Variants in PIGU observed in about 807,000 individuals in gnomAD.
PIGU encodes the protein phosphatidylinositol glycan anchor biosynthesis class U, also known as GPI-anchor transamidase component PIGU.
A neutral mutation model predicts 49.9 loss-of-function variants in PIGU; 24 were observed. The observed-to-expected ratio is 0.48, with a 90% CI of 0.35 to 0.68. PIGU has a LOEUF of 0.68. Among genes scored for constraint, PIGU ranks in the 30% least tolerant of loss-of-function variants. The pLI is 0.01. For synonymous variants in PIGU, 220 were observed against 205.7 expected (o/e 1.07, Z -0.59); for missense variants, 490 against 532.6 (o/e 0.92, Z 0.79).
At chr20:34,647,234 G>T (rs1320000906) in intron 2 of PIGU, among the ~76,000 whole-genome samples, 1 of 151,880 alleles carries the variant, frequency 6.6e-6, no homozygotes, top group Non-Finnish European at 1.5e-5. Context: ...GCCTCCCAAA[G>T]TGCTGAGATT....
intron 7 of PIGU, among the ~76,000 whole-genome samples, chr20:34,608,177 C>A (rs935458849): frequency 6.7e-6 from 1 of 150,008 alleles, no homozygotes; most frequent in South Asian, 2.1e-4. Flanking sequence ...CAGGTTCAAG[C>A]GATTCTCGTG....
chr20:34,674,782 A>G (rs563321457), intron 1 of PIGU, among the ~76,000 whole-genome samples: 1 of 151,908 alleles, frequency 6.6e-6, no homozygotes, highest in African/African-American at 2.4e-5. Context: ...CAAAAAAATA[A>G]TAATAATAAC....
chr20:34,595,554 A>G (rs944587958), intron 7 of PIGU, among the ~76,000 whole-genome samples: 1 of 152,192 alleles, frequency 6.6e-6, no homozygotes, highest in Non-Finnish European at 1.5e-5. Flanking sequence ...GGGAGGGACT[A>G]GAAGAACAGG....
chr20:34,616,791 TA>T (rs914707171), intron 6 of PIGU, among the ~76,000 whole-genome samples: 127 of 149,216 alleles, frequency 8.5e-4, no homozygotes, highest in African/African-American at 2.2e-3. Context: ...ATTTATTTTA[TA>T]AAAAAAAAAT....
chr20:34,587,500 C>T (rs1477876269), intron 8 of PIGU, among the ~76,000 whole-genome samples: 3 of 152,094 alleles, frequency 2.0e-5, no homozygotes, highest in African/African-American at 4.8e-5. Context: ...GTGGTGGGAA[C>T]GATTGAAATT....
intron 7 of PIGU, among the ~76,000 whole-genome samples, chr20:34,590,664 C>T (rs1983929746): frequency 6.6e-6 from 1 of 150,422 alleles, no homozygotes; most frequent in South Asian, 2.1e-4. Flanking sequence ...TAACATAAAT[C>T]ATGTTGTTAG....
chr20:34,622,777 C>T (rs1985294545), intron 6 of PIGU, among the ~76,000 whole-genome samples: 1 of 152,150 alleles, frequency 6.6e-6, no homozygotes, highest in African/African-American at 2.4e-5. Context: ...TTTGCTAGGG[C>T]AGCCCAGATG....
chr20:34,642,304 T>C (rs1986188177), intron 4 of PIGU, among the ~76,000 whole-genome samples: 1 of 152,038 alleles, frequency 6.6e-6, no homozygotes, highest in Non-Finnish European at 1.5e-5. Context: ...TGACCTCCCA[T>C]GCTCAAGCCA....
intron 7 of PIGU, among the ~76,000 whole-genome samples, chr20:34,595,593 GCT>G (rs930567623): frequency 3.9e-5 from 6 of 152,056 alleles, no homozygotes. Flanking sequence ...GAGTAATACT[GCT>G]CTTTTTGTAC....
chr20:34,571,275 A>C (rs1036004972), intron 11 of PIGU, among the ~76,000 whole-genome samples: 1 of 152,216 alleles, frequency 6.6e-6, no homozygotes, highest in Non-Finnish European at 1.5e-5. Context: ...TGCCACAGGC[A>C]GAAAAATAAT....
chr20:34,600,926 C>T (rs942424086), intron 7 of PIGU, among the ~76,000 whole-genome samples: 6 of 151,680 alleles, frequency 4.0e-5, no homozygotes, highest in African/African-American at 1.2e-4. Context: ...CCCAGCTATT[C>T]GGGAGGCTAA....
intron 11 of PIGU, among the ~76,000 whole-genome samples, chr20:34,566,988 C>A (rs2146691596): frequency 6.6e-6 from 1 of 152,368 alleles, no homozygotes; most frequent in East Asian, 1.9e-4. Flanking sequence ...CTCAGGACAG[C>A]AGCCTTGTCC....
At chr20:34,658,785 C>A (rs1199923954) in intron 1 of PIGU, among the ~76,000 whole-genome samples, 2 of 148,962 alleles carry the variant, frequency 1.3e-5, no homozygotes, top group Non-Finnish European at 3.0e-5. Flanking sequence ...AGTGAGGAGC[C>A]CCTCCGCCTG....
chr20:34,620,820 C>CAAAAAAAAAAAAA (rs1178693587), intron 6 of PIGU, among the ~76,000 whole-genome samples: 8 of 96,660 alleles, frequency 8.3e-5, no homozygotes, highest in Non-Finnish European at 1.5e-4. Context: ...AAAAAAAAAA[C>CAAAAAAAAAAAAA]AAAAAAAAAA....
chr20:34,623,474 T>C (rs1368015920), intron 6 of PIGU, among the ~76,000 whole-genome samples: 2 of 152,198 alleles, frequency 1.3e-5, no homozygotes, highest in African/African-American at 2.4e-5. Context: ...AATAATTCCA[T>C]GAAGTGGGTA....
chr20:34,605,711 T>C (rs546303609), intron 7 of PIGU, among the ~76,000 whole-genome samples: 1 of 152,294 alleles, frequency 6.6e-6, no homozygotes, highest in Non-Finnish European at 1.5e-5. Context: ...TCTATTTCCC[T>C]CTTTTTTATT....
Position 34,590,643 on chromosome 20 carries a change from A to G in PIGU, c.628-2036T>C, listed in dbSNP as rs202244059. 3.6e-5 allele frequency among the ~76,000 whole-genome samples: 5 copies of G among 137,124 alleles called. No individual in the cohort carries two copies. The East Asian group carries it at 1.1e-3, about 29-fold the overall frequency. 90.0% of individuals were successfully genotyped at this position (137,124 alleles called of 152,430 possible). On this transcript the variant is annotated intron_variant, in intron 7 of 11. Transcript: ENST00000217446. ...TAACATAACATAACATAACACAACA[A>G]CAAAATAAAATAACATAAATCATGT...
rs555247065 is a variant in PIGU at position 34,560,611 on chromosome 20, C to T, written c.*255G>A. 9.0e-6 allele frequency: 4 copies of T among 442,788 alleles called. No homozygotes were observed. Among genetic ancestry groups the T allele is most frequent in the East Asian group, 3.6e-5 (1 of 28,044 alleles). 27.4% of individuals were successfully genotyped at this position (442,788 alleles called of 1,614,324 possible). A position where few individuals can be genotyped will look rare whatever the true frequency, so the allele number is the denominator to read the frequency against. ...CAAGCCCTGCTCACCTGCCTCTTCT[C>T]CTTCCTGTCTGGGAGGGGGCTCCTT... is the stretch of plus-strand genomic sequence containing the variant. On this transcript the variant is annotated 3_prime_UTR_variant, in exon 12 of 12. Transcript: ENST00000217446.
intron 1 of PIGU, among the ~76,000 whole-genome samples, chr20:34,659,579 GGAT>G (rs1246874954): frequency 2.6e-5 from 4 of 152,208 alleles, no homozygotes; most frequent in African/African-American, 9.6e-5. Flanking sequence ...GAACGGGCCA[GGAT>G]GACAATGGCG....
Sources: allele counts gnomAD v4.1 joint callset (sites outside exome capture counted in the v4.1 genomes callset), GRCh38; gene constraint gnomAD v4.1.1; transcripts MANE v1.5; gene names NCBI Gene and HGNC (gene_info 2026-07-23, HGNC 2026-07-21).